TCERG1: variants seen among roughly 807,000 people sequenced by gnomAD.
TCERG1 encodes the protein transcription elongation regulator 1.
In TCERG1, 37 loss-of-function variants were observed where a neutral mutation model predicts 144.7. That is an observed-to-expected ratio of 0.26 (90% confidence interval 0.20 to 0.34). The LOEUF is 0.34. TCERG1 is among the 10% of genes least tolerant of loss of function. The pLI, the probability that TCERG1 is intolerant of heterozygous loss-of-function variation, is 1.00. For synonymous variants in TCERG1, 492 were observed against 458.2 expected, an observed-to-expected ratio of 1.07 and a Z score of -0.94; for missense variants, 1,027 against 1,380.7, an observed-to-expected ratio of 0.74 and a Z score of 4.06.
At chr5:146,464,710 T>A (rs986803551) in intron 5 of TCERG1, among the ~76,000 whole-genome samples, 25 of 152,330 alleles carry the variant, frequency 1.6e-4, no homozygotes, top group African/African-American at 5.5e-4. Flanking sequence ...CAGGGCTAGT[T>A]TGTAGCAAAG....
rs140816235 is a variant in TCERG1 at position 146,459,030 on chromosome 5, G to A, written c.585G>A (p.Ala195=). The A allele has an allele frequency of 2.0e-4, 315 of 1,606,070 alleles. No homozygotes were observed. Among genetic ancestry groups the A allele is most frequent in the Non-Finnish European group, 2.2e-4 (261 of 1,176,208 alleles). ...AQAQAQAQAQ[A]QAQAQAQAQA... ...CCCAGGCGCAGGCTCAGGCCCAGGC[G>A]CAGGCTCAGGCCCAGGCACAAGCTC... Residue 195 remains alanine (A), a synonymous_variant, in exon 4 of 23, where the codon GCG becomes GCA. Transcript: ENST00000679501.
intron 1 of TCERG1, among the ~76,000 whole-genome samples, chr5:146,452,594 A>C (rs1050880670): frequency 4.6e-5 from 7 of 151,940 alleles, no homozygotes; most frequent in African/African-American, 9.7e-5. Context: ...TATTTTCTTT[A>C]TTTATTTATT....
At chr5:146,453,211 G>T (rs1026107221) in intron 1 of TCERG1, among the ~76,000 whole-genome samples, 15 of 152,066 alleles carry the variant, frequency 9.9e-5, no homozygotes, top group African/African-American at 3.4e-4. Context: ...GTGGGGCAGT[G>T]TGCCCTACAG....
At chr5:146,467,841 C>G (rs1326075300) in intron 5 of TCERG1, among the ~76,000 whole-genome samples, 1 of 152,192 alleles carries the variant, frequency 6.6e-6, no homozygotes, top group Non-Finnish European at 1.5e-5. Context: ...CTTTCTTCCT[C>G]TCCTCACCAC....
chr5:146,494,385 A>T (rs1424006109), intron 16 of TCERG1, among the ~76,000 whole-genome samples: 1 of 152,184 alleles, frequency 6.6e-6, no homozygotes, highest in East Asian at 1.9e-4. Context: ...TTAAAACTCC[A>T]TATGGGTCTG....
intron 15 of TCERG1, among the ~76,000 whole-genome samples, chr5:146,484,602 A>G (rs1400085354): frequency 6.6e-6 from 1 of 152,240 alleles, no homozygotes; most frequent in Non-Finnish European, 1.5e-5. Flanking sequence ...CTTGGAATAG[A>G]AAGACATAAC....
Position 146,510,654 on chromosome 5 carries a change from C to G in TCERG1, c.*12C>G, listed in dbSNP as rs372547498. 6.2e-7 allele frequency: 1 copy of G among 1,609,348 alleles called. No homozygotes were observed. The highest frequency in any genetic ancestry group is 1.7e-5 in the Admixed American group (1 of 59,002). ...GATCAACAAAATAATTCTAAATACT[C>G]TTCCATAGGGGCATCTATTCAAAAT... On this transcript the variant is annotated 3_prime_UTR_variant, in exon 23 of 23. Transcript: ENST00000679501.
At chr5:146,459,561 A>G (rs1206295774) in intron 4 of TCERG1, among the ~76,000 whole-genome samples, 1 of 152,254 alleles carries the variant, frequency 6.6e-6, no homozygotes, top group African/African-American at 2.4e-5. Context: ...AAATTGAGAA[A>G]GTGCAAAGTT....
chr5:146,509,361 A>G, intron 22 of TCERG1, 116 bp downstream of exon 22: 4 of 689,122 alleles, frequency 5.8e-6, no homozygotes, highest in Non-Finnish European at 9.6e-6. Context: ...TTTTAGGGAT[A>G]AGAAGATACC....
chr5:146,471,008 A>C (rs530407800), intron 8 of TCERG1, among the ~76,000 whole-genome samples: 1 of 152,292 alleles, frequency 6.6e-6, no homozygotes, highest in South Asian at 2.1e-4. Flanking sequence ...TGACTTATAA[A>C]CTGAGTGGTA....
intron 9 of TCERG1, 110 bp downstream of exon 9, chr5:146,471,686 C>G (rs1158447427): frequency 1.2e-5 from 9 of 777,266 alleles, no homozygotes; most frequent in African/African-American, 1.8e-5. Context: ...GCAACCTCCA[C>G]CTCCCTAGTT....
At chr5:146,462,185 A>T (rs1763392328) in intron 4 of TCERG1, 1 of 152,610 alleles carries the variant, frequency 6.6e-6, no homozygotes, top group Admixed American at 6.5e-5. Flanking sequence ...AAAGATACTG[A>T]CAGATTTTGT....
chr5:146,455,051 T>C lies in TCERG1; in HGVS notation c.60-5T>C, dbSNP rs1762709676. On this transcript the variant is annotated splice_region_variant and splice_polypyrimidine_tract_variant and intron_variant, in intron 1 of 22. Transcript: ENST00000679501. ...GAAAAATTTATTCCTTGCTTTCCCA[T>C]GCAGGATGGCCCAACAGCAGGCCTT... 1 of 1,614,152 alleles carries C rather than the reference T, an allele frequency of 6.2e-7. No individual in the cohort carries two copies. Among genetic ancestry groups the C allele is most frequent in the Non-Finnish European group, 8.5e-7 (1 of 1,179,984 alleles).
At chr5:146,493,447 T>C (rs1292488000) in intron 16 of TCERG1, among the ~76,000 whole-genome samples, 5 of 152,072 alleles carry the variant, frequency 3.3e-5, no homozygotes, top group Admixed American at 1.3e-4. Flanking sequence ...GTCTGACATT[T>C]TGAATTGATT....
At chr5:146,465,984 C>T (rs2150346037) in intron 5 of TCERG1, among the ~76,000 whole-genome samples, 1 of 145,300 alleles carries the variant, frequency 6.9e-6, no homozygotes, top group East Asian at 2.0e-4. Flanking sequence ...CGCGCCATTG[C>T]ACTGCAGCCT....
rs957812870 is a variant in TCERG1, at chr5:146,482,983, A to G, written c.2073+256A>G. On this transcript the variant is annotated intron_variant, in intron 14 of 22. Coordinates refer to ENST00000679501, the MANE Select transcript of TCERG1 (RefSeq NM_001382548.1). ...GGGTCATTAAATTGTGGTGAGTAAT[A>G]TAAGACGAGTATTAACATTACAGAA... 9.2e-5 allele frequency among the ~76,000 whole-genome samples: 14 copies of G among 152,198 alleles called. 1 individual carries two copies. Among genetic ancestry groups the G allele is most frequent in the Admixed American group, 6.6e-4 (10 of 15,266 alleles).
chr5:146,507,269 C>A lies in TCERG1; in HGVS notation c.2961+62C>A. 6.9e-7 allele frequency: 1 copy of A among 1,438,976 alleles called. No individual in the cohort carries two copies. The highest frequency in any genetic ancestry group is 9.3e-7 in the Non-Finnish European group (1 of 1,075,372). The allele number at this position is 1,438,976 out of a possible 1,614,324, so 89.1% of individuals were successfully genotyped here. On this transcript the variant is annotated intron_variant, in intron 20 of 22. Coordinates refer to ENST00000679501, the MANE Select transcript of TCERG1 (RefSeq NM_001382548.1). The surrounding 1 kb of genome is among the most constrained non-coding windows in gnomAD (Gnocchi z 4.6). ...GAATCTTGTTAGTAATTTCTTAAAGCAAAGCATTGATATGATTTTTAGTGT... is the reference window on the plus strand; with the variant it reads ...GAATCTTGTTAGTAATTTCTTAAAGAAAAGCATTGATATGATTTTTAGTGT...
chr5:146,493,858 A>T (rs1328699591), intron 16 of TCERG1, among the ~76,000 whole-genome samples: 2 of 152,100 alleles, frequency 1.3e-5, no homozygotes, highest in African/African-American at 4.8e-5. Flanking sequence ...GGAATACCTC[A>T]GTATTCTAAA....
At position 146,493,041 on chromosome 5, in the gene TCERG1, A is replaced by G. The variant is rs765201199; in HGVS notation, c.2282+3A>G. 3 of 1,571,586 alleles carry G rather than the reference A, an allele frequency of 1.9e-6. No individual in the cohort carries two copies. The highest frequency in any genetic ancestry group is 2.3e-5 in the South Asian group (2 of 86,732). ...GAAGAAGCAAAATTTAATCCAAGGT[A>G]TGTGGTTTGTTTCTCTTAAATATCA... On this transcript the variant is annotated splice_donor_region_variant and intron_variant, in intron 16 of 22. Coordinates refer to ENST00000679501, the MANE Select transcript of TCERG1 (RefSeq NM_001382548.1).
Sources: allele counts gnomAD v4.1 joint callset (sites outside exome capture counted in the v4.1 genomes callset), GRCh38; gene constraint gnomAD v4.1.1; non-coding constraint Gnocchi (gnomAD v3.1); transcripts MANE v1.5; gene names NCBI Gene and HGNC (gene_info 2026-07-23, HGNC 2026-07-21).